The following MAP7D2 variants were observed in gnomAD, a reference collection of about 807,000 sequenced individuals.
MAP7D2 encodes MAP7 domain-containing protein 2.
A neutral mutation model predicts 63.5 loss-of-function variants in MAP7D2; 33 were observed. The observed-to-expected ratio is 0.52, with a 90% CI of 0.39 to 0.70. The LOEUF (loss-of-function observed/expected upper bound fraction) is 0.70. Among genes scored for constraint, MAP7D2 ranks in the 30% least tolerant of loss-of-function variants. The pLI, the probability that MAP7D2 is intolerant of heterozygous loss-of-function variation, is 0.00. For missense variants in MAP7D2, 626 were observed against 604.0 expected (o/e 1.04, Z -0.38); for synonymous variants, 224 against 223.7 (o/e 1.00, Z -0.01).
At chrX:20,097,916 A>G (rs1301963399) in intron 1 of MAP7D2, among the ~76,000 whole-genome samples, 2 of 111,713 alleles carry the variant, frequency 1.8e-5, no homozygotes, top group Non-Finnish European at 3.8e-5. Flanking sequence ...ATTTTCATTT[A>G]TGGTACTTAT....
chrX:20,062,572 T>C (rs1307923412), intron 3 of MAP7D2, among the ~76,000 whole-genome samples: 1 of 111,619 alleles, frequency 9.0e-6, no homozygotes, highest in Non-Finnish European at 1.9e-5. Context: ...AACATCTTCA[T>C]ATCCTATAGG....
rs1026153207 is a variant in MAP7D2 at position 20,066,576 on chromosome X, C to T, written c.131-1771G>A. 5.4e-5 allele frequency among the ~76,000 whole-genome samples: 6 copies of T among 111,541 alleles called. No homozygotes were observed. In the East Asian group the frequency reaches 8.3e-4, roughly 16 times the overall value. On this transcript the variant is annotated intron_variant, in intron 1 of 16. Transcript: ENST00000379643. ...ATTATGACACTATCAACAATATGAA[C>T]GTCATCAAAAATTTAAAGGCCAACT...
chrX:20,052,094 G>A (rs1198400353), intron 5 of MAP7D2, among the ~76,000 whole-genome samples: 1 of 112,314 alleles, frequency 8.9e-6, no homozygotes, highest in Non-Finnish European at 1.9e-5. Context: ...GTCGCAACCA[G>A]CCTTTTGCTC....
rs1404773184 is a variant in MAP7D2, at chrX:20,116,766, G to C, written c.114C>G (p.Pro38=). The C allele has an allele frequency of 8.4e-7, 1 of 1,186,291 alleles. No homozygotes were observed. Among genetic ancestry groups the C allele is most frequent in the Non-Finnish European group, 1.1e-6 (1 of 883,799 alleles). ...GGATAATACCTTGAGGCCGGTAGTT[G>C]GGCTGAGAGGTCCGCACCGCGCCCG... The part of the protein sequence containing the change: ...AEPGAVRTSQ[P]NYRPQGMEGF... The change falls in exon 1 of 17, where the codon CCC becomes CCG. Residue 38 remains proline (P), a synonymous_variant. Transcript: ENST00000379643.
At chrX:20,087,879 CTTTTTTTTTTTTTTT>C (rs539620594) in intron 1 of MAP7D2, among the ~76,000 whole-genome samples, 3 of 52,852 alleles carry the variant, frequency 5.7e-5, no homozygotes, top group Non-Finnish European at 6.4e-5. Context: ...AATTTCTTTT[CTTTTTTTTTTTTTTT>C]TTTTTTTTTT....
intron 10 of MAP7D2, among the ~76,000 whole-genome samples, chrX:20,022,989 T>C (rs1441712922): frequency 9.0e-6 from 1 of 111,522 alleles, no homozygotes; most frequent in Non-Finnish European, 1.9e-5. Flanking sequence ...TGAATGTATA[T>C]TTTGGTGGCC....
intron 1 of MAP7D2, among the ~76,000 whole-genome samples, chrX:20,065,419 A>AC (rs748242126): frequency 4.6e-5 from 5 of 109,663 alleles, no homozygotes; most frequent in Non-Finnish European, 7.6e-5. Context: ...GGTGCGTGCA[A>AC]CCACGCATGG....
chrX:20,094,478 AAATAC>A (rs1254969500), intron 1 of MAP7D2, among the ~76,000 whole-genome samples: 3 of 67,080 alleles, frequency 4.5e-5, no homozygotes, highest in African/African-American at 1.4e-4. Context: ...GTAATAAAAA[AAATAC>A]ATACATATAT....
intron 8 of MAP7D2, among the ~76,000 whole-genome samples, chrX:20,035,890 G>A (rs1372370078): frequency 9.3e-6 from 1 of 107,680 alleles, no homozygotes; most frequent in Non-Finnish European, 1.9e-5. Context: ...TCCAGCCTGG[G>A]CGACAGAGCA....
At chrX:20,048,705 C>T (rs982009079) in intron 6 of MAP7D2, among the ~76,000 whole-genome samples, 8 of 109,592 alleles carry the variant, frequency 7.3e-5, no homozygotes, top group Admixed American at 4.9e-4. Flanking sequence ...GTAGATGGGT[C>T]GCGCTTGAGC....
chrX:20,030,448 C>A (rs1360718382), intron 8 of MAP7D2, among the ~76,000 whole-genome samples: 1 of 112,005 alleles, frequency 8.9e-6, no homozygotes. Flanking sequence ...GAACATAAGG[C>A]AGTATGATAT....
rs2073348381 is a variant in MAP7D2 at position 20,015,314 on chromosome X, T to C, written c.1658A>G (p.Glu553Gly). Residue 553 changes from glutamate to glycine, a missense_variant, in exon 12 of 17, where the codon GAA becomes GGA. Glu to Gly is a moderately conservative substitution (Grantham distance 98). Coordinates refer to ENST00000379643, the MANE Select transcript of MAP7D2 (RefSeq NM_001168465.2). ...TTCAGCTACCTCCCGGGCCTTTGTT[T>C]CTGCTGCTTCTTTCTAACAGAAACA... ...AMIEKQKEAAETKAREVAEQM... is the reference protein window; with the variant it reads ...AMIEKQKEAAGTKAREVAEQM... 8.3e-7 allele frequency: 1 copy of C among 1,207,291 alleles called. No homozygotes were observed. The highest frequency in any genetic ancestry group is 1.7e-5 in the African/African-American group (1 of 57,760).
chrX:20,042,435 T>C, intron 8 of MAP7D2, 67 bp downstream of exon 8: 1 of 1,163,349 alleles, frequency 8.6e-7, no homozygotes, highest in Non-Finnish European at 1.2e-6. Flanking sequence ...CAACACTGGA[T>C]GGCACAAAGC....
chrX:20,006,863 A>G lies in MAP7D2; in HGVS notation c.*1562T>C, dbSNP rs1469676300. On this transcript the variant is annotated 3_prime_UTR_variant, in exon 17 of 17. Transcript: ENST00000379643. ...AGAAAAAATAAAACGCTAGCAAGTC[A>G]TCAGACTCTTCAATGAAAATGTATT... 8.9e-6 allele frequency: 1 copy of G among 112,415 alleles called. No homozygotes were observed. The highest frequency in any genetic ancestry group is 1.9e-5 in the Non-Finnish European group (1 of 53,321). The allele number at this position is 112,415 out of a possible 1,213,427, so 9.3% of individuals were successfully genotyped here. A position where few individuals can be genotyped will look rare whatever the true frequency, so the allele number is the denominator to read the frequency against.
At chrX:20,102,708 T>C (rs1224961012) in intron 1 of MAP7D2, among the ~76,000 whole-genome samples, 1 of 88,699 alleles carries the variant, frequency 1.1e-5, no homozygotes, top group African/African-American at 4.4e-5. Flanking sequence ...CCCAAAGCAC[T>C]GGCCATGGGG....
chrX:20,013,721 G>A, intron 12 of MAP7D2, 96 bp from the exon 13 acceptor site: 2 of 618,517 alleles, frequency 3.2e-6, no homozygotes, highest in South Asian at 3.1e-5. Context: ...ACATTTCTCA[G>A]AAAACTTGTA....
intron 16 of MAP7D2, among the ~76,000 whole-genome samples, chrX:20,009,679 A>G (rs1390002717): frequency 9.5e-6 from 1 of 105,035 alleles, no homozygotes; most frequent in Non-Finnish European, 2.0e-5. Flanking sequence ...AAAAAAAAAA[A>G]AAAAAAAAAG....
intron 8 of MAP7D2, among the ~76,000 whole-genome samples, chrX:20,034,885 T>C (rs1406292862): frequency 9.0e-6 from 1 of 111,403 alleles, no homozygotes. Flanking sequence ...TAGCAGGAGA[T>C]TGCTAAGTAT....
rs5909355 is a variant in MAP7D2 at position 20,094,564 on chromosome X, A to G, written c.130+22186T>C. Among the ~76,000 whole-genome samples the G allele has an allele frequency of 7.6e-4, 10 of 13,238 alleles. 3 individuals are homozygous for G. The highest frequency in any genetic ancestry group is 0.012 in the South Asian group (2 of 163). 11.5% of individuals were successfully genotyped at this position (13,238 alleles called of 115,157 possible). A position where few individuals can be genotyped will look rare whatever the true frequency, so the allele number is the denominator to read the frequency against. On this transcript the variant is annotated intron_variant, in intron 1 of 16. Coordinates refer to ENST00000379643, the MANE Select transcript of MAP7D2 (RefSeq NM_001168465.2). The stretch of plus-strand genomic sequence containing the variant: ...TATGTATATATATATATATATATAT[A>G]TATACATATATATGTATATATATAT...
Sources: gnomAD v4.1 joint callset for allele counts (sites outside exome capture counted in the v4.1 genomes callset) on GRCh38, gnomAD v4.1.1 for gene constraint, MANE v1.5 for transcripts, NCBI Gene and HGNC (gene_info 2026-07-23, HGNC 2026-07-21) for gene names.